CFAP77: variants seen among roughly 807,000 people sequenced by gnomAD.
The protein encoded by CFAP77 is cilia and flagella associated protein 77, also known as cilia- and flagella-associated protein 77.
In CFAP77, 25 loss-of-function variants were observed where a neutral mutation model predicts 31.1. The ratio of observed to expected loss-of-function variants is 0.80; its 90% CI spans 0.59 to 1.12. The LOEUF (loss-of-function observed/expected upper bound fraction) is 1.12, where lower values mean the gene tolerates loss of function less well. Among genes scored for constraint, CFAP77 ranks in the 50% most tolerant of loss-of-function variants. The pLI is 0.00. For missense variants in CFAP77, 377 were observed against 397.3 expected (o/e 0.95, Z 0.44); for synonymous variants, 151 against 159.9 (o/e 0.94, Z 0.42).
chr9:132,452,585 A>G (rs1210338337), intron 1 of CFAP77, among the ~76,000 whole-genome samples: 4 of 152,230 alleles, frequency 2.6e-5, no homozygotes, highest in Non-Finnish European at 5.9e-5. Context: ...GTTTTACTCC[A>G]GAGAGAGCTA....
chr9:132,432,083 C>G (rs943047721), intron 1 of CFAP77, among the ~76,000 whole-genome samples: 5 of 152,178 alleles, frequency 3.3e-5, no homozygotes, highest in Non-Finnish European at 5.9e-5. Flanking sequence ...AAATAACACA[C>G]TGCACGTCAG....
chr9:132,476,165 G>A (rs1486285349), intron 1 of CFAP77, among the ~76,000 whole-genome samples: 1 of 152,144 alleles, frequency 6.6e-6, no homozygotes, highest in Non-Finnish European at 1.5e-5. Context: ...GACTTCCCTT[G>A]TGGCGTTCCT....
chr9:132,428,498 C>T (rs1422834494), intron 1 of CFAP77, among the ~76,000 whole-genome samples: 1 of 152,086 alleles, frequency 6.6e-6, no homozygotes, highest in Non-Finnish European at 1.5e-5. Flanking sequence ...ACCTGTAATC[C>T]CAGTTACTTG....
At chr9:132,463,056 G>A (rs1851088158) in intron 1 of CFAP77, among the ~76,000 whole-genome samples, 1 of 152,106 alleles carries the variant, frequency 6.6e-6, no homozygotes, top group Non-Finnish European at 1.5e-5. Context: ...ACGGGGAGAG[G>A]CAATGAGTCA....
chr9:132,493,247 G>A (rs372159578), intron 1 of CFAP77, among the ~76,000 whole-genome samples: 14 of 152,142 alleles, frequency 9.2e-5, no homozygotes, highest in African/African-American at 2.7e-4. Flanking sequence ...GAATTCCTGG[G>A]AAGTTCCACT....
rs1387160353 is a variant in CFAP77, at chr9:132,459,420, G to GGAGTGTGTGT, written c.196-39274_196-39273insAGTGTGTGTG. ...CACCTAATGTGGCCTGGATGAATAGGGTGTGTGTGTGTGTGTGTGTGTGTG... is the reference window on the plus strand; with the variant it reads ...CACCTAATGTGGCCTGGATGAATAGGGAGTGTGTGTGTGTGTGTGTGTGTGTGTGTGTGTG... On this transcript the variant is annotated intron_variant, in intron 1 of 5. Transcript: ENST00000393216. Among the ~76,000 whole-genome samples the GGAGTGTGTGT allele has an allele frequency of 5.6e-5, 8 of 143,976 alleles. No individual in the cohort carries two copies. The East Asian group carries it at 1.2e-3, about 22-fold the overall frequency. The allele number at this position is 143,976 out of a possible 152,430, so 94.5% of individuals were successfully genotyped here. A position where few individuals can be genotyped will look rare whatever the true frequency, so the allele number is the denominator to read the frequency against.
At chr9:132,557,128 T>G (rs1325074047) in intron 5 of CFAP77, among the ~76,000 whole-genome samples, 3 of 151,958 alleles carry the variant, frequency 2.0e-5, no homozygotes, top group Non-Finnish European at 4.4e-5. Flanking sequence ...CATCCTGGGG[T>G]GTGTGTGTGC....
At chr9:132,420,041 G>A (rs1225985057) in intron 1 of CFAP77, among the ~76,000 whole-genome samples, 1 of 151,766 alleles carries the variant, frequency 6.6e-6, no homozygotes, top group East Asian at 1.9e-4. Flanking sequence ...TGCACCTGTA[G>A]TCTCAGCTAC....
At chr9:132,438,841 C>T (rs117124523) in intron 1 of CFAP77, among the ~76,000 whole-genome samples, 11,221 of 150,804 alleles carry the variant, frequency 0.074, 528 homozygotes, top group South Asian at 0.12. Flanking sequence ...GACCGGCCAA[C>T]ATTCTTTGTT....
intron 3 of CFAP77, among the ~76,000 whole-genome samples, chr9:132,531,089 T>G (rs1319608614): frequency 2.6e-5 from 4 of 152,254 alleles, no homozygotes; most frequent in Non-Finnish European, 4.4e-5. Flanking sequence ...TTTGCTTCTT[T>G]TGGTTTATTA....
chr9:132,571,368 C>A (rs918698292), intron 5 of CFAP77, among the ~76,000 whole-genome samples: 1 of 152,158 alleles, frequency 6.6e-6, no homozygotes, highest in African/African-American at 2.4e-5. Context: ...TCGAGACCCC[C>A]TGTATGCATC....
At chr9:132,567,800 G>A (rs772676478) in intron 5 of CFAP77, among the ~76,000 whole-genome samples, 3 of 152,154 alleles carry the variant, frequency 2.0e-5, no homozygotes, top group Non-Finnish European at 4.4e-5. Flanking sequence ...GATGCTCCTT[G>A]GTTGTGGCCA....
chr9:132,536,679 C>T (rs2119052770), intron 3 of CFAP77, among the ~76,000 whole-genome samples: 1 of 152,324 alleles, frequency 6.6e-6, no homozygotes, highest in Non-Finnish European at 1.5e-5. Flanking sequence ...CAGGTGTGAG[C>T]CACTGCACCC....
intron 5 of CFAP77, among the ~76,000 whole-genome samples, chr9:132,558,613 G>A (rs1852941287): frequency 6.6e-6 from 1 of 152,150 alleles, no homozygotes; most frequent in African/African-American, 2.4e-5. Context: ...GCTGAGGCAG[G>A]AGAATCACTT....
chr9:132,486,064 GTGTATATA>G (rs1450597817), intron 1 of CFAP77, among the ~76,000 whole-genome samples: 1 of 18,384 alleles, frequency 5.4e-5, no homozygotes, highest in African/African-American at 8.3e-4. Context: ...ATGTGTGTGT[GTGTATATA>G]TATATATATA....
Position 132,490,029 on chromosome 9 carries a change from T to C in CFAP77, c.196-8666T>C, listed in dbSNP as rs1046923407. 6.6e-6 allele frequency among the ~76,000 whole-genome samples: 1 copy of C among 152,188 alleles called. No individual in the cohort carries two copies. The highest frequency in any genetic ancestry group is 1.5e-5 in the Non-Finnish European group (1 of 68,024). On this transcript the variant is annotated intron_variant, in intron 1 of 5. Transcript: ENST00000393216. The surrounding 1 kb of genome is among the most constrained non-coding windows in gnomAD (Gnocchi z 4.6). ...TCCAGATCAATGCGCCGGTGGTTTC[T>C]GTGTCTGGTGAGAGCCTAGTCTTTG...
chr9:132,463,318 T>A (rs1168644411), intron 1 of CFAP77, among the ~76,000 whole-genome samples: 2 of 152,058 alleles, frequency 1.3e-5, no homozygotes, highest in African/African-American at 4.8e-5. Flanking sequence ...TGCGGTGTGG[T>A]TTTAGAGTGT....
intron 3 of CFAP77, among the ~76,000 whole-genome samples, chr9:132,521,390 T>C (rs73659075): frequency 0.01 from 1,571 of 152,276 alleles, 26 homozygotes; most frequent in African/African-American, 0.036. Context: ...TTCCAAAGGC[T>C]TCCAGAGTCA....
At chr9:132,417,358 C>T (rs1850123195) in intron 1 of CFAP77, among the ~76,000 whole-genome samples, 1 of 152,162 alleles carries the variant, frequency 6.6e-6, no homozygotes, top group Non-Finnish European at 1.5e-5. Flanking sequence ...CGTGATCCGC[C>T]CACCTCGGCC....
Sources: allele counts gnomAD v4.1 joint callset (sites outside exome capture counted in the v4.1 genomes callset), GRCh38; gene constraint gnomAD v4.1.1; non-coding constraint Gnocchi (gnomAD v3.1); transcripts MANE v1.5; gene names NCBI Gene and HGNC (gene_info 2026-07-23, HGNC 2026-07-21).